The following FHIT variants were observed in gnomAD, a reference collection of about 807,000 sequenced individuals.
FHIT encodes fragile histidine triad diadenosine triphosphatase.
FHIT carries 19 observed loss-of-function variants against 17.9 expected under a neutral mutation model. The ratio of observed to expected loss-of-function variants is 1.06; its 90% confidence interval spans 0.74 to 1.56. The LOEUF (loss-of-function observed/expected upper bound fraction) is 1.56, where lower values mean the gene tolerates loss of function less well. Among genes scored for constraint, FHIT ranks in the 40% most tolerant of loss-of-function variants. The probability of loss-of-function intolerance (pLI) is 0.00; values close to 1 mark genes in which losing one functional copy is unlikely to be tolerated. For missense variants in FHIT, 248 were observed against 189.2 expected (o/e 1.31, Z -1.82); for synonymous variants, 81 against 69.7 (o/e 1.16, Z -0.81).
At chr3:59,769,735 T>G (rs1266086930) in intron 8 of FHIT, among the ~76,000 whole-genome samples, 1 of 151,848 alleles carries the variant, frequency 6.6e-6, no homozygotes, top group Non-Finnish European at 1.5e-5. Flanking sequence ...GTTTTGATTT[T>G]TTTTTTTTTT....
chr3:59,978,245 C>G (rs1301378573), intron 7 of FHIT, among the ~76,000 whole-genome samples: 1 of 152,044 alleles, frequency 6.6e-6, no homozygotes, highest in African/African-American at 2.4e-5. Flanking sequence ...TGTTTTTACT[C>G]GCTAAAGTTT....
chr3:60,069,728 A>G (rs2736812), intron 5 of FHIT, among the ~76,000 whole-genome samples: 50,718 of 151,896 alleles, frequency 0.33, 9,767 homozygotes, highest in African/African-American at 0.53. Context: ...CTGCCTATCA[A>G]ATATTCATCC....
intron 5 of FHIT, among the ~76,000 whole-genome samples, chr3:60,521,883 A>T (rs2035381025): frequency 6.6e-6 from 1 of 152,148 alleles, no homozygotes; most frequent in Non-Finnish European, 1.5e-5. Context: ...ATGTACATTC[A>T]ACAATACCAG....
intron 5 of FHIT, among the ~76,000 whole-genome samples, chr3:60,384,745 A>T (rs766371033): frequency 4.6e-5 from 7 of 152,122 alleles, no homozygotes; most frequent in Non-Finnish European, 8.8e-5. Context: ...AGCACTTTGA[A>T]TCATAGTATC....
At chr3:59,833,709 T>C (rs566643572) in intron 8 of FHIT, among the ~76,000 whole-genome samples, 9 of 152,302 alleles carry the variant, frequency 5.9e-5, no homozygotes, top group South Asian at 2.1e-4. Flanking sequence ...ATGAAGGTCA[T>C]TGACAGGGTT....
intron 8 of FHIT, among the ~76,000 whole-genome samples, chr3:59,921,551 G>C (rs1321767216): frequency 1.3e-5 from 2 of 152,218 alleles, no homozygotes; most frequent in East Asian, 3.8e-4. Flanking sequence ...CAGCCTCAAA[G>C]TCCATTTAAC....
intron 5 of FHIT, among the ~76,000 whole-genome samples, chr3:60,053,297 T>C (rs1317736585): frequency 1.3e-5 from 2 of 150,502 alleles, no homozygotes; most frequent in African/African-American, 2.5e-5. Context: ...CATAAACATT[T>C]TATTCTTTCA....
At chr3:60,615,473 C>G (rs2038923690) in intron 4 of FHIT, among the ~76,000 whole-genome samples, 1 of 152,102 alleles carries the variant, frequency 6.6e-6, no homozygotes, top group Non-Finnish European at 1.5e-5. Flanking sequence ...AAAAGAACAG[C>G]AGTAAAAAGG....
intron 4 of FHIT, among the ~76,000 whole-genome samples, chr3:60,680,479 C>A (rs1319696387): frequency 2.0e-5 from 3 of 151,666 alleles, no homozygotes; most frequent in African/African-American, 4.8e-5. Context: ...CAAATACAGG[C>A]ATAACCTGAA....
intron 3 of FHIT, among the ~76,000 whole-genome samples, chr3:61,000,480 T>A (rs2107602392): frequency 6.6e-6 from 1 of 152,304 alleles, no homozygotes; most frequent in East Asian, 1.9e-4. Flanking sequence ...GGAAAATCAG[T>A]CCTGCTGCTC....
At chr3:60,254,128 G>C (rs907680697) in intron 5 of FHIT, among the ~76,000 whole-genome samples, 16 of 151,930 alleles carry the variant, frequency 1.1e-4, no homozygotes, top group African/African-American at 3.9e-4. Flanking sequence ...TTTCCCAATT[G>C]CTTCTTAGGG....
At chr3:59,845,064 T>C (rs1701669914) in intron 8 of FHIT, among the ~76,000 whole-genome samples, 1 of 152,136 alleles carries the variant, frequency 6.6e-6, no homozygotes, top group Non-Finnish European at 1.5e-5. Flanking sequence ...CTATCCAATG[T>C]GCTGGCATGC....
intron 4 of FHIT, among the ~76,000 whole-genome samples, chr3:60,597,776 C>T (rs1446443614): frequency 6.6e-6 from 1 of 152,120 alleles, no homozygotes; most frequent in Non-Finnish European, 1.5e-5. Context: ...ATTCTTCTTG[C>T]TTTATCTGAA....
intron 8 of FHIT, among the ~76,000 whole-genome samples, chr3:59,790,957 T>G (rs950282859): frequency 2.0e-5 from 3 of 152,232 alleles, no homozygotes; most frequent in African/African-American, 7.2e-5. Context: ...TGTACTATTG[T>G]TGAACTTCTA....
In FHIT at chr3:59,747,781, A is replaced by G. The variant is rs190352655; in HGVS notation, c.*1804T>C. Among the ~76,000 whole-genome samples, 1 of 146,014 alleles carries G rather than the reference A, an allele frequency of 6.8e-6. No individual in the cohort carries two copies. Among genetic ancestry groups the G allele is most frequent in the African/African-American group, 2.5e-5 (1 of 40,646 alleles). ...CCCCCATGCACCTTGTCTTCTTGAT[A>G]TGCCTGCAGGGGTTGGGGGGAGGTG... is the stretch of plus-strand genomic sequence containing the variant. On this transcript the variant is annotated 3_prime_UTR_variant, in exon 10 of 10. Transcript: ENST00000492590.
chr3:60,927,718 G>C (rs1446953932), intron 3 of FHIT, among the ~76,000 whole-genome samples: 1 of 150,916 alleles, frequency 6.6e-6, no homozygotes, highest in Admixed American at 6.6e-5. Flanking sequence ...CAGCCGCCCC[G>C]TCTGTGAGGT....
At chr3:60,496,860 G>C (rs1366270358) in intron 5 of FHIT, among the ~76,000 whole-genome samples, 1 of 152,080 alleles carries the variant, frequency 6.6e-6, no homozygotes, top group East Asian at 1.9e-4. Context: ...CCGAGTAAAA[G>C]AAACTGATTA....
intron 2 of FHIT, among the ~76,000 whole-genome samples, chr3:61,161,327 A>G (rs1402515589): frequency 1.3e-5 from 2 of 151,812 alleles, no homozygotes; most frequent in African/African-American, 2.4e-5. Flanking sequence ...TCAGCCTCCC[A>G]GGTAGCTGGG....
intron 5 of FHIT, among the ~76,000 whole-genome samples, chr3:60,113,741 C>T (rs1704790105): frequency 6.6e-6 from 1 of 151,124 alleles, no homozygotes; most frequent in East Asian, 2.0e-4. Context: ...GTGGCTCACA[C>T]CTGTTATCCC....
Sources: allele counts gnomAD v4.1 joint callset (sites outside exome capture counted in the v4.1 genomes callset), GRCh38; gene constraint gnomAD v4.1.1; transcripts MANE v1.5; gene names NCBI Gene and HGNC (gene_info 2026-07-23, HGNC 2026-07-21).